Variants in TP63 observed in about 807,000 individuals in gnomAD.
TP63 encodes tumor protein 63.
A neutral mutation model predicts 82.8 loss-of-function variants in TP63; 17 were observed. The observed-to-expected ratio is 0.21, with a 90% confidence interval of 0.14 to 0.31. TP63 has a LOEUF of 0.31. TP63 is among the 10% of genes least tolerant of loss of function. The pLI is 1.00. For missense variants in TP63, 648 were observed against 895.3 expected (o/e 0.72, Z 3.52); for synonymous variants, 330 against 321.7 (o/e 1.03, Z -0.28).
Position 189,880,257 on chromosome 3 carries a change from G to C in TP63, c.1350-6137G>C, listed in dbSNP as rs776554860. 4 of 1,493,358 alleles carry C rather than the reference G, an allele frequency of 2.7e-6. No individual in the cohort carries two copies. The East Asian group carries it at 7.0e-5, about 26-fold the overall frequency. The allele number at this position is 1,493,358 out of a possible 1,614,324, so 92.5% of individuals were successfully genotyped here. On this transcript the variant is annotated intron_variant, in intron 10 of 13. Transcript: ENST00000264731. ...AGTGTGTGTGTGTGTATGTGTGTGC[G>C]TGTGTATCTAGCCCTCATAAACAGG... is the stretch of plus-strand genomic sequence containing the variant.
the TP63 span, among the ~76,000 whole-genome samples, chr3:189,614,015 CT>C: frequency 6.6e-6 from 1 of 152,038 alleles, no homozygotes; most frequent in Admixed American, 6.5e-5. Flanking sequence ...GGACTGTGGA[CT>C]TTTTGGTTAG....
At chr3:189,761,920 A>G (rs947718759) in intron 3 of TP63, among the ~76,000 whole-genome samples, 3 of 152,188 alleles carry the variant, frequency 2.0e-5, no homozygotes, top group Non-Finnish European at 4.4e-5. Context: ...TTTTAAAACC[A>G]TCAGATCTCC....
At chr3:189,705,666 A>G (rs1381317782) in intron 1 of TP63, among the ~76,000 whole-genome samples, 1 of 151,992 alleles carries the variant, frequency 6.6e-6, no homozygotes, top group Non-Finnish European at 1.5e-5. Flanking sequence ...TATAATATAT[A>G]CTTTTATATT....
rs2108874371 is a variant in TP63, at chr3:189,894,400, C to T, written c.1941C>T (p.Arg647=). The T allele has an allele frequency of 6.2e-7, 1 of 1,613,990 alleles. No homozygotes were observed. The highest frequency in any genetic ancestry group is 1.3e-5 in the African/African-American group (1 of 74,980). Residue 647 remains arginine, a synonymous_variant, in exon 14 of 14, where the codon CGC becomes CGT. Transcript: ENST00000264731. ...RVIDAVRFTL[R]QTISFPPRDE... ...TTGATGCTGTGCGATTCACCCTCCG[C>T]CAGACCATCTCTTTCCCACCCCGAG...
chr3:189,603,650 T>TAAAAAA, the TP63 span, among the ~76,000 whole-genome samples: 1 of 50,788 alleles, frequency 2.0e-5, no homozygotes. Flanking sequence ...TTGCCTTCAT[T>TAAAAAA]AAAAAAAAAA....
At chr3:189,703,260 C>T (rs961556501) in intron 1 of TP63, among the ~76,000 whole-genome samples, 1 of 152,122 alleles carries the variant, frequency 6.6e-6, no homozygotes, top group Non-Finnish European at 1.5e-5. Flanking sequence ...ACAGTGAAAC[C>T]CCATCTCTAC....
chr3:189,830,840 G>A (rs988847481), intron 4 of TP63, among the ~76,000 whole-genome samples: 3 of 152,188 alleles, frequency 2.0e-5, no homozygotes, highest in African/African-American at 4.8e-5. Flanking sequence ...AGTAAATATT[G>A]TTTGAAGAAG....
chr3:189,773,877 A>T lies in TP63; in HGVS notation c.325-34395A>T, dbSNP rs77175162. Among the ~76,000 whole-genome samples, 87 of 144,242 alleles carry T rather than the reference A, an allele frequency of 6.0e-4. 3 individuals carry two copies. In the East Asian group the frequency reaches 0.016, roughly 27 times the overall value. 94.6% of individuals were successfully genotyped at this position (144,242 alleles called of 152,430 possible). A position where few individuals can be genotyped will look rare whatever the true frequency, so the allele number is the denominator to read the frequency against. On this transcript the variant is annotated intron_variant, in intron 3 of 13. Transcript: ENST00000264731. ...GTGACTGGCTTATAGTTCCCTTAGG[A>T]GGTAAGAGAACACATATCCATGTAT... is the stretch of plus-strand genomic sequence containing the variant.
chr3:189,691,028 C>T (rs1444332245), intron 1 of TP63, among the ~76,000 whole-genome samples: 1 of 151,900 alleles, frequency 6.6e-6, no homozygotes, highest in East Asian at 1.9e-4. Flanking sequence ...TCACTACTGC[C>T]AGAGATTTAG....
At chr3:189,702,900 A>G (rs1042082456) in intron 1 of TP63, among the ~76,000 whole-genome samples, 2 of 152,226 alleles carry the variant, frequency 1.3e-5, no homozygotes, top group Non-Finnish European at 2.9e-5. Flanking sequence ...AATAAATCAC[A>G]TCATTAACAA....
At chr3:189,789,005 A>C (rs1415944875) in intron 3 of TP63, among the ~76,000 whole-genome samples, 1 of 151,468 alleles carries the variant, frequency 6.6e-6, no homozygotes, top group African/African-American at 2.4e-5. Flanking sequence ...CATAATATGG[A>C]TGTTTGTTTG....
At chr3:189,819,008 G>A (rs1195737792) in intron 4 of TP63, among the ~76,000 whole-genome samples, 1 of 152,078 alleles carries the variant, frequency 6.6e-6, no homozygotes, top group Non-Finnish European at 1.5e-5. Flanking sequence ...ACAAAACCAT[G>A]GATTTAGTGA....
intron 4 of TP63, among the ~76,000 whole-genome samples, chr3:189,857,170 T>C (rs1577116840): frequency 1.3e-5 from 2 of 152,210 alleles, no homozygotes; most frequent in South Asian, 4.1e-4. Flanking sequence ...GATATATGGA[T>C]AGACAAATAG....
At chr3:189,674,741 T>G (rs1251853076) in intron 1 of TP63, among the ~76,000 whole-genome samples, 1 of 152,076 alleles carries the variant, frequency 6.6e-6, no homozygotes, top group Non-Finnish European at 1.5e-5. Flanking sequence ...GATATACACA[T>G]AAAATGAGCT....
intron 4 of TP63, among the ~76,000 whole-genome samples, chr3:189,826,825 G>A (rs965468117): frequency 1.3e-5 from 2 of 152,238 alleles, no homozygotes; most frequent in Non-Finnish European, 2.9e-5. Context: ...CTTAGTTGAA[G>A]GCCCCATACT....
At chr3:189,647,297 A>T (rs1712500223) in intron 1 of TP63, among the ~76,000 whole-genome samples, 1 of 147,066 alleles carries the variant, frequency 6.8e-6, no homozygotes, top group Non-Finnish European at 1.5e-5. Flanking sequence ...TTTCTTAATT[A>T]GTCATACCCT....
intron 10 of TP63, among the ~76,000 whole-genome samples, chr3:189,885,792 T>C (rs564403014): frequency 6.6e-6 from 1 of 152,328 alleles, no homozygotes; most frequent in South Asian, 2.1e-4. Flanking sequence ...AGAAATGCTT[T>C]TGACATTCCA....
intron 4 of TP63, among the ~76,000 whole-genome samples, chr3:189,815,957 C>G (rs998426897): frequency 3.9e-5 from 6 of 152,094 alleles, no homozygotes; most frequent in South Asian, 2.1e-4. Flanking sequence ...ATTTTTATAT[C>G]ATTTTATATT....
chr3:189,727,893 TTTA>T (rs1719883807), intron 1 of TP63, among the ~76,000 whole-genome samples: 1 of 152,232 alleles, frequency 6.6e-6, no homozygotes, highest in African/African-American at 2.4e-5. Context: ...AAAATGACAT[TTTA>T]AACAAGATAC....
Sources: allele counts gnomAD v4.1 joint callset (sites outside exome capture counted in the v4.1 genomes callset), GRCh38; gene constraint gnomAD v4.1.1; transcripts MANE v1.5; gene names NCBI Gene and HGNC (gene_info 2026-07-23, HGNC 2026-07-21).